The following SIPA1L3 variants were observed in gnomAD, a reference collection of about 807,000 sequenced individuals.
SIPA1L3 encodes the protein signal-induced proliferation-associated 1-like protein 3.
In SIPA1L3, 59 loss-of-function variants were observed where a neutral mutation model predicts 150.1. The ratio of observed to expected loss-of-function variants is 0.39; its 90% confidence interval spans 0.32 to 0.49. The LOEUF (loss-of-function observed/expected upper bound fraction) is 0.49, where lower values mean the gene tolerates loss of function less well. Ranked by LOEUF, SIPA1L3 falls within the 20% of genes least tolerant of loss-of-function variation. SIPA1L3 has a pLI of 0.86. For synonymous variants in SIPA1L3, 1,070 were observed against 1,077.6 expected, an observed-to-expected ratio of 0.99 and a Z score of 0.14; for missense variants, 2,211 against 2,489.5, an observed-to-expected ratio of 0.89 and a Z score of 2.38.
chr19:38,194,385 AAGAC>A (rs1367772833), intron 18 of SIPA1L3, among the ~76,000 whole-genome samples: 4 of 142,638 alleles, frequency 2.8e-5, no homozygotes, highest in African/African-American at 1.0e-4. Context: ...CCACAACTGA[AAGAC>A]AGTACGTAAG....
intron 12 of SIPA1L3, among the ~76,000 whole-genome samples, chr19:38,150,553 A>G (rs564548821): frequency 7.8e-4 from 113 of 144,490 alleles, no homozygotes; most frequent in Non-Finnish European, 1.3e-3. Context: ...TTTTTTTTGA[A>G]ATGGAGTCTT....
At chr19:38,100,192 C>A in intron 5 of SIPA1L3, 42 bp downstream of exon 5, 1 of 1,402,660 alleles carries the variant, frequency 7.1e-7, no homozygotes, top group Non-Finnish European at 9.5e-7. Flanking sequence ...TGGGGCAGTA[C>A]CTTGCAACCC....
At chr19:38,145,453 A>G (rs1319963517) in intron 12 of SIPA1L3, among the ~76,000 whole-genome samples, 1 of 151,450 alleles carries the variant, frequency 6.6e-6, no homozygotes, top group Non-Finnish European at 1.5e-5. Context: ...GAATCGTTTG[A>G]ACCTGGTAGG....
At chr19:38,111,481 T>C (rs1350708678) in intron 8 of SIPA1L3, among the ~76,000 whole-genome samples, 2 of 152,222 alleles carry the variant, frequency 1.3e-5, no homozygotes, top group Non-Finnish European at 2.9e-5. Flanking sequence ...ATAGTCTGAT[T>C]GCGCCTGAGT....
chr19:37,994,560 C>G (rs527684400), intron 1 of SIPA1L3, among the ~76,000 whole-genome samples: 4 of 152,274 alleles, frequency 2.6e-5, no homozygotes, highest in African/African-American at 9.6e-5. Context: ...GAGCAGCCGC[C>G]CTGGCTGCTG....
intron 21 of SIPA1L3, among the ~76,000 whole-genome samples, 182 bp downstream of exon 21, chr19:38,204,390 A>G (rs1055288297): frequency 6.6e-6 from 1 of 152,222 alleles, no homozygotes; most frequent in Non-Finnish European, 1.5e-5. Flanking sequence ...AAGCGCTCAG[A>G]GAAACTCATC....
chr19:38,165,010 G>A, intron 15 of SIPA1L3, 104 bp downstream of exon 15: 1 of 1,051,702 alleles, frequency 9.5e-7, no homozygotes. Context: ...CACACTCACG[G>A]ATGAATGCGC....
chr19:38,112,887 C>A lies in SIPA1L3; in HGVS notation c.2291+2503C>A, dbSNP rs111674782. Among the ~76,000 whole-genome samples the A allele has an allele frequency of 2.0e-3, 306 of 152,270 alleles. 1 individual carries two copies. The highest frequency in any genetic ancestry group is 6.8e-3 in the Middle Eastern group (2 of 294). On this transcript the variant is annotated intron_variant, in intron 8 of 21. Coordinates refer to ENST00000222345, the MANE Select transcript of SIPA1L3 (RefSeq NM_015073.3). The stretch of plus-strand genomic sequence containing the variant: ...GAAACCCCCAACTCCTGTCCCCCAA[C>A]TCAGTGAATTTCTAATTGTCCTTCA...
rs1970041364 is a variant in SIPA1L3, at chr19:38,082,951, C to T, written c.1386C>T (p.Pro462=). 1 of 1,612,984 alleles carries T rather than the reference C, an allele frequency of 6.2e-7. No homozygotes were observed. The highest frequency in any genetic ancestry group is 2.2e-5 in the East Asian group (1 of 44,870). Reference sequence around the variant, plus strand: ...GCGGCGAGGGCCACCTGGCAGAGCCCGCCCTGAGCGCCTACCGCACCAACG... The same window carrying T: ...GCGGCGAGGGCCACCTGGCAGAGCCTGCCCTGAGCGCCTACCGCACCAACG... ...PSSGEGHLAE[P]ALSAYRTNAS... is the part of the protein sequence containing the mutation. Residue 462 remains proline, a synonymous_variant, in exon 3 of 22, where the codon CCC becomes CCT. Transcript: ENST00000222345.
chr19:38,061,408 C>T (rs1174782627), intron 2 of SIPA1L3, among the ~76,000 whole-genome samples: 2 of 151,736 alleles, frequency 1.3e-5, no homozygotes. Flanking sequence ...TTGGCCAATT[C>T]CTTAGCTTCC....
intron 2 of SIPA1L3, among the ~76,000 whole-genome samples, chr19:38,070,409 A>C (rs927925924): frequency 1.3e-5 from 2 of 152,130 alleles, no homozygotes; most frequent in African/African-American, 4.8e-5. Context: ...CCACCCTTGG[A>C]AATTCTATTT....
At chr19:37,982,341 G>T (rs1403708114) in intron 1 of SIPA1L3, among the ~76,000 whole-genome samples, 1 of 152,152 alleles carries the variant, frequency 6.6e-6, no homozygotes, top group Non-Finnish European at 1.5e-5. Flanking sequence ...CCTCTGGCTG[G>T]GTCCTTGATC....
rs529051938 is a variant in SIPA1L3, at chr19:38,095,790, G to A, written c.1666-4172G>A. 2.6e-5 allele frequency among the ~76,000 whole-genome samples: 4 copies of A among 152,138 alleles called. 1 individual carries two copies. The highest frequency in any genetic ancestry group is 1.3e-4 in the Admixed American group (2 of 15,276). On this transcript the variant is annotated intron_variant, in intron 4 of 21. Coordinates refer to ENST00000222345, the MANE Select transcript of SIPA1L3 (RefSeq NM_015073.3). ...GCTGAAGGAGTTTTTCAAGTAGTGC[G>A]CGCCGATGAGGTGGTCAGAGCCAAA...
intron 2 of SIPA1L3, among the ~76,000 whole-genome samples, chr19:38,033,318 CT>C (rs1420043599): frequency 5.9e-5 from 9 of 152,126 alleles, no homozygotes; most frequent in Admixed American, 5.9e-4. Context: ...TTTAAGTTTG[CT>C]TTTCTTTGTA....
rs117654457 is a variant in SIPA1L3, at chr19:37,970,190, G to A, written c.-378-58899G>A. ...AAAACCCTGGCGGTGAAATTTCAAAGTGAAAATGTTACTCGTAAGTTAAAT... is the reference window on the plus strand; with the variant it reads ...AAAACCCTGGCGGTGAAATTTCAAAATGAAAATGTTACTCGTAAGTTAAAT... On this transcript the variant is annotated intron_variant, in intron 1 of 21. Transcript: ENST00000222345. Among the ~76,000 whole-genome samples, 1,089 of 152,328 alleles carry A rather than the reference G, an allele frequency of 7.1e-3. 36 individuals are homozygous for A. Among genetic ancestry groups the A allele is most frequent in the East Asian group, 0.066 (343 of 5,188 alleles).
chr19:37,967,454 A>G (rs147589791), intron 1 of SIPA1L3, among the ~76,000 whole-genome samples: 1,565 of 152,022 alleles, frequency 0.01, 35 homozygotes, highest in African/African-American at 0.036. Context: ...GAGTTTCACC[A>G]TGTTGGCCAG....
chr19:37,960,869 T>A (rs111678541), intron 1 of SIPA1L3, among the ~76,000 whole-genome samples: 6,600 of 151,028 alleles, frequency 0.044, 465 homozygotes, highest in African/African-American at 0.15. Flanking sequence ...TAAAAAAAAA[T>A]ATATTTTTTT....
intron 12 of SIPA1L3, among the ~76,000 whole-genome samples, chr19:38,151,797 A>G (rs1391571576): frequency 6.6e-6 from 1 of 151,840 alleles, no homozygotes; most frequent in East Asian, 1.9e-4. Context: ...ACCCATCTCT[A>G]CAAAAAAATA....
intron 6 of SIPA1L3, among the ~76,000 whole-genome samples, chr19:38,106,077 A>G (rs1413212996): frequency 1.3e-5 from 2 of 151,166 alleles, no homozygotes; most frequent in Admixed American, 6.7e-5. Flanking sequence ...GTACATAGCA[A>G]TGGGGTTTCC....
Sources: allele counts gnomAD v4.1 joint callset (sites outside exome capture counted in the v4.1 genomes callset), GRCh38; gene constraint gnomAD v4.1.1; transcripts MANE v1.5; gene names NCBI Gene and HGNC (gene_info 2026-07-23, HGNC 2026-07-21).